THSD4: variants seen among roughly 807,000 people sequenced by gnomAD.
The protein encoded by THSD4 is thrombospondin type-1 domain-containing protein 4.
Under a neutral mutation model 119.0 loss-of-function variants are expected in THSD4, and 69 were observed. The observed-to-expected ratio is 0.58, with a 90% confidence interval of 0.48 to 0.71. The LOEUF is 0.71. THSD4 is among the 30% of genes least tolerant of loss of function. THSD4 has a pLI of 0.00. For missense variants in THSD4, 1,393 were observed against 1,391.1 expected (o/e 1.00, Z -0.02); for synonymous variants, 524 against 540.4 (o/e 0.97, Z 0.42).
intron 3 of THSD4, among the ~76,000 whole-genome samples, chr15:71,172,833 G>C (rs930031441): frequency 6.7e-6 from 1 of 149,940 alleles, no homozygotes; most frequent in Non-Finnish European, 1.5e-5. Context: ...ACTTCAATCT[G>C]TATCTTGTAC....
At chr15:71,330,057 G>T (rs1291769905) in intron 6 of THSD4, among the ~76,000 whole-genome samples, 2 of 151,610 alleles carry the variant, frequency 1.3e-5, no homozygotes, top group Admixed American at 6.6e-5. Flanking sequence ...AATCTAAACT[G>T]GGCCACAGAG....
chr15:71,379,790 T>C (rs910083328), intron 6 of THSD4, among the ~76,000 whole-genome samples: 4 of 152,156 alleles, frequency 2.6e-5, no homozygotes, highest in African/African-American at 9.6e-5. Context: ...TATGTGTTTA[T>C]TTGCTGACCT....
intron 3 of THSD4, among the ~76,000 whole-genome samples, chr15:71,190,133 G>A (rs2043658001): frequency 6.6e-6 from 1 of 152,212 alleles, no homozygotes; most frequent in Admixed American, 6.5e-5. Flanking sequence ...CTTTTTAACT[G>A]AGTCCTGGCT....
At chr15:71,162,788 A>G (rs1280764789) in intron 3 of THSD4, among the ~76,000 whole-genome samples, 2 of 152,054 alleles carry the variant, frequency 1.3e-5, no homozygotes, top group African/African-American at 4.8e-5. Flanking sequence ...ATGGTGTCCC[A>G]TAAGTCCCAT....
intron 7 of THSD4, among the ~76,000 whole-genome samples, chr15:71,442,875 G>A (rs2140562056): frequency 6.6e-6 from 1 of 150,730 alleles, no homozygotes; most frequent in African/African-American, 2.4e-5. Flanking sequence ...ATTCTGGCAG[G>A]CATCGTTGCT....
chr15:71,422,427 C>A (rs1273128857), intron 7 of THSD4, among the ~76,000 whole-genome samples: 1 of 152,186 alleles, frequency 6.6e-6, no homozygotes, highest in Admixed American at 6.5e-5. Flanking sequence ...AATGCTGTGG[C>A]TCTTGCAGAC....
intron 7 of THSD4, among the ~76,000 whole-genome samples, chr15:71,428,265 C>G (rs2046900299): frequency 6.6e-6 from 1 of 152,142 alleles, no homozygotes; most frequent in South Asian, 2.1e-4. Flanking sequence ...TTCCACAAGG[C>G]ACATAATAAA....
chr15:71,304,308 G>A lies in THSD4; in HGVS notation c.1015+47593G>A, dbSNP rs79089553. ...CAGGTGAGGAGTGAAGGGGAAAGAA[G>A]AAGGAGTCTTGTGCTCCTTTCAGAG... On this transcript the variant is annotated intron_variant, in intron 6 of 17. Coordinates refer to ENST00000261862, the MANE Select transcript of THSD4 (RefSeq NM_024817.3). 5.6e-3 allele frequency among the ~76,000 whole-genome samples: 852 copies of A among 152,130 alleles called. 6 individuals carry two copies. The highest frequency in any genetic ancestry group is 0.019 in the African/African-American group (800 of 41,500).
chr15:71,745,868 C>T (rs2053326909), intron 12 of THSD4, among the ~76,000 whole-genome samples: 1 of 152,194 alleles, frequency 6.6e-6, no homozygotes, highest in East Asian at 1.9e-4. Context: ...TGGTCTTGAA[C>T]TCCTGAGCAC....
intron 3 of THSD4, chr15:71,187,369 G>A (rs1264013608): frequency 2.0e-5 from 3 of 152,670 alleles, no homozygotes; most frequent in Non-Finnish European, 4.4e-5. Context: ...CTTGGTGAAG[G>A]GTATAGCTGT....
chr15:71,662,500 G>A (rs952918301), intron 8 of THSD4, among the ~76,000 whole-genome samples: 1 of 152,178 alleles, frequency 6.6e-6, no homozygotes, highest in African/African-American at 2.4e-5. Flanking sequence ...CCTAGAATGG[G>A]AAATGTTCTT....
intron 6 of THSD4, among the ~76,000 whole-genome samples, chr15:71,362,610 G>A (rs924490122): frequency 2.6e-5 from 4 of 152,108 alleles, no homozygotes. Flanking sequence ...CACATACATC[G>A]ATCATACTGC....
At chr15:71,199,215 A>G (rs1467527682) in intron 3 of THSD4, among the ~76,000 whole-genome samples, 1 of 152,000 alleles carries the variant, frequency 6.6e-6, no homozygotes, top group Non-Finnish European at 1.5e-5. Context: ...TTTGCTCCCT[A>G]TGATTTTGTG....
chr15:71,240,114 C>T (rs1233679724), intron 4 of THSD4, among the ~76,000 whole-genome samples: 4 of 152,152 alleles, frequency 2.6e-5, no homozygotes. Flanking sequence ...AATATGAATA[C>T]AAAAATATAC....
At chr15:71,329,485 G>A (rs116652714) in intron 6 of THSD4, among the ~76,000 whole-genome samples, 125 of 152,262 alleles carry the variant, frequency 8.2e-4, no homozygotes, top group African/African-American at 2.7e-3. Flanking sequence ...ACCCTGAAAC[G>A]TCCTTTGCTG....
intron 6 of THSD4, among the ~76,000 whole-genome samples, chr15:71,357,827 A>G (rs1873560996): frequency 6.6e-6 from 1 of 152,198 alleles, no homozygotes; most frequent in Non-Finnish European, 1.5e-5. Context: ...ATTATTTTGC[A>G]AAATAATCTG....
chr15:71,439,454 GT>G (rs2047059235), intron 7 of THSD4, among the ~76,000 whole-genome samples: 1 of 152,166 alleles, frequency 6.6e-6, no homozygotes, highest in Non-Finnish European at 1.5e-5. Context: ...GGAAGACAGT[GT>G]GATGATTCAT....
chr15:71,219,414 G>GT (rs1336175144), intron 4 of THSD4, among the ~76,000 whole-genome samples: 1 of 152,178 alleles, frequency 6.6e-6, no homozygotes, highest in East Asian at 1.9e-4. Flanking sequence ...TGGTGAGCAC[G>GT]TATCAGAATC....
At chr15:71,360,649 T>G (rs1345729750) in intron 6 of THSD4, among the ~76,000 whole-genome samples, 3 of 152,216 alleles carry the variant, frequency 2.0e-5, no homozygotes, top group Non-Finnish European at 4.4e-5. Context: ...TGCTAGCATA[T>G]GACTCCTCCT....
Sources: gnomAD v4.1 joint callset for allele counts (sites outside exome capture counted in the v4.1 genomes callset) on GRCh38, gnomAD v4.1.1 for gene constraint, MANE v1.5 for transcripts, NCBI Gene and HGNC (gene_info 2026-07-23, HGNC 2026-07-21) for gene names.